MRC2: variants seen among roughly 807,000 people sequenced by gnomAD.
MRC2 encodes mannose receptor C-type 2.
Under a neutral mutation model 206.2 loss-of-function variants are expected in MRC2, and 84 were observed. The ratio of observed to expected loss-of-function variants is 0.41; its 90% confidence interval spans 0.34 to 0.49. The LOEUF is 0.49. Ranked by LOEUF, MRC2 falls within the 20% of genes least tolerant of loss-of-function variation. The pLI, the probability that MRC2 is intolerant of heterozygous loss-of-function variation, is 0.31. For synonymous variants in MRC2, 798 were observed against 800.0 expected, an observed-to-expected ratio of 1.00 and a Z score of 0.04; for missense variants, 1,676 against 2,001.5, an observed-to-expected ratio of 0.84 and a Z score of 3.10.
Position 62,678,561 on chromosome 17 carries a change from T to C in MRC2, c.2110T>C (p.Cys704Arg). ...GAGCTGGGTCCAGGCCCAGGGGGCCTGCCAGGAGCTGGGGGCCCAGCTGCT... is the reference window on the plus strand; with the variant it reads ...GAGCTGGGTCCAGGCCCAGGGGGCCCGCCAGGAGCTGGGGGCCCAGCTGCT... The part of the protein sequence containing the change: ...KKSWVQAQGA[C>R]QELGAQLLSL... Residue 704 changes from cysteine to arginine, a missense_variant, in exon 13 of 30, where the codon TGC (cysteine) becomes CGC (arginine). Physicochemically the swap from Cys to Arg is radical, Grantham distance 180. Around this residue, in one of 3 missense-constraint regions of MRC2, gnomAD observed 1,354 missense variants for 1,636.6 expected, o/e 0.83. Transcript: ENST00000303375. 6.2e-7 allele frequency: 1 copy of C among 1,609,522 alleles called. No individual in the cohort carries two copies. The highest frequency in any genetic ancestry group is 8.5e-7 in the Non-Finnish European group (1 of 1,178,812).
At position 62,690,976 on chromosome 17, in the gene MRC2, C is replaced by T. The variant is rs375546095; in HGVS notation, c.4040C>T (p.Thr1347Ile). Residue 1347 changes from threonine to isoleucine, a missense_variant, in exon 28 of 30, where the codon ACA becomes ATA. By Grantham distance (89) the Thr-to-Ile change is moderately conservative. Coordinates refer to ENST00000303375, the MANE Select transcript of MRC2 (RefSeq NM_006039.5). ...GGCACTCTGGTCTGGCAGGACAACA[C>T]AGCTGTGAACTACTCCAACTGGGGG... ...KGGTLVWQDN[T>I]AVNYSNWGPP... 6.2e-7 allele frequency: 1 copy of T among 1,607,330 alleles called. No homozygotes were observed. Among genetic ancestry groups the T allele is most frequent in the Non-Finnish European group, 8.5e-7 (1 of 1,177,782 alleles).
intron 6 of MRC2, among the ~76,000 whole-genome samples, chr17:62,670,834 C>T (rs1312097937): frequency 6.6e-6 from 1 of 152,134 alleles, no homozygotes; most frequent in Admixed American, 6.5e-5. Context: ...GTGGGCTTGC[C>T]TGGGCCCCAT....
At chr17:62,627,959 CG>C in intron 1 of MRC2, 39 bp downstream of exon 1, 19 of 1,328,038 alleles carry the variant, frequency 1.4e-5, no homozygotes, top group East Asian at 6.1e-5. Context: ...AGGGCCCGGG[CG>C]GGGGGAGCGC....
At chr17:62,635,715 A>G (rs931692339) in intron 1 of MRC2, among the ~76,000 whole-genome samples, 7 of 152,098 alleles carry the variant, frequency 4.6e-5, no homozygotes, top group Non-Finnish European at 1.0e-4. Flanking sequence ...TTTGGAGGCC[A>G]CGGGAGGAGA....
At chr17:62,631,439 G>A (rs936491954) in intron 1 of MRC2, among the ~76,000 whole-genome samples, 4 of 152,154 alleles carry the variant, frequency 2.6e-5, no homozygotes, top group African/African-American at 9.7e-5. Flanking sequence ...AGTGAGATTC[G>A]AACCCAGGAG....
In MRC2 at chr17:62,666,041, G is replaced by T. The variant is rs1598983562; in HGVS notation, c.521-53G>T. 1 of 1,525,258 alleles carries T rather than the reference G, an allele frequency of 6.6e-7. No individual in the cohort carries two copies. The highest frequency in any genetic ancestry group is 8.8e-7 in the Non-Finnish European group (1 of 1,133,752). 94.5% of individuals were successfully genotyped at this position (1,525,258 alleles called of 1,614,324 possible). A position where few individuals can be genotyped will look rare whatever the true frequency, so the allele number is the denominator to read the frequency against. ...TTTCTCCTGAGGGTCGAGGGGCTTGGCAGCCTCTGGTGTCCAGATGCCAAG... is the reference window on the plus strand; with the variant it reads ...TTTCTCCTGAGGGTCGAGGGGCTTGTCAGCCTCTGGTGTCCAGATGCCAAG... On this transcript the variant is annotated intron_variant, in intron 2 of 29. Transcript: ENST00000303375. The surrounding 1 kb of genome is among the most constrained non-coding windows in gnomAD (Gnocchi z 5.0).
intron 20 of MRC2, among the ~76,000 whole-genome samples, chr17:62,682,691 G>C (rs2088983987): frequency 6.6e-6 from 1 of 151,266 alleles, no homozygotes; most frequent in African/African-American, 2.4e-5. Context: ...ACCCAGGCTG[G>C]AGTGCAGTGG....
intron 1 of MRC2, among the ~76,000 whole-genome samples, chr17:62,632,438 C>T (rs549631820): frequency 1.1e-4 from 17 of 152,318 alleles, no homozygotes; most frequent in South Asian, 2.1e-4. Flanking sequence ...CTCCTGATTT[C>T]TCTTTCTCTG....
intron 1 of MRC2, among the ~76,000 whole-genome samples, chr17:62,631,916 ATTC>A (rs2084219039): frequency 6.6e-6 from 1 of 151,848 alleles, no homozygotes; most frequent in African/African-American, 2.4e-5. Context: ...GCCATGGCCT[ATTC>A]TTTATTTGAG....
In MRC2 at chr17:62,666,350, G is replaced by A; in HGVS notation, c.694+83G>A. 3 of 1,576,688 alleles carry A rather than the reference G, an allele frequency of 1.9e-6. No homozygotes were observed. Among genetic ancestry groups the A allele is most frequent in the South Asian group, 2.4e-5 (2 of 85,072 alleles). ...TGAGGGGCCCCGGGGCCCAGGGTGA[G>A]ATACTGCCCCCTCCCCTACCTAGTG... On this transcript the variant is annotated intron_variant, in intron 3 of 29. Transcript: ENST00000303375. The surrounding 1 kb of genome is among the most constrained non-coding windows in gnomAD (Gnocchi z 5.0).
In MRC2 at chr17:62,680,005, G is replaced by GT; in HGVS notation, c.2298+103_2298+104insT. On this transcript the variant is annotated intron_variant, in intron 14 of 29. Coordinates refer to ENST00000303375, the MANE Select transcript of MRC2 (RefSeq NM_006039.5). The surrounding 1 kb of genome is among the most constrained non-coding windows in gnomAD (Gnocchi z 4.8). Reference sequence around the variant, plus strand: ...GTGGGCGGGTTTTCTTGAGGGCCGGGCCCCCAGTCGGAGCCGGCTTCAGGA... The same window carrying GT: ...GTGGGCGGGTTTTCTTGAGGGCCGGGTCCCCCAGTCGGAGCCGGCTTCAGGA... 6.9e-7 allele frequency: 1 copy of GT among 1,457,308 alleles called. No homozygotes were observed. The highest frequency in any genetic ancestry group is 1.4e-5 in the African/African-American group (1 of 71,094). The allele number at this position is 1,457,308 out of a possible 1,614,324, so 90.3% of individuals were successfully genotyped here.
chr17:62,670,273 T>C (rs2088811383), intron 6 of MRC2, among the ~76,000 whole-genome samples: 1 of 152,268 alleles, frequency 6.6e-6, no homozygotes, highest in Non-Finnish European at 1.5e-5. Flanking sequence ...CCAAGCTCCC[T>C]TCCGGTCCTT....
Position 62,679,817 on chromosome 17 carries a change from T to G in MRC2, c.2213T>G (p.Ile738Ser). ...NKIFGESEPE[I>S]HEQHWFWIGL... ...TGCTGAAGTGAATCAGAACCCGAGA[T>G]CCACGAGCAGCACTGGTTCTGGATC... The change falls in exon 14 of 30, where the codon ATC (isoleucine) becomes AGC (serine). Residue 738 changes from isoleucine (I) to serine (S), a missense_variant. Physicochemically the swap from Ile to Ser is moderately radical, Grantham distance 142. This residue lies in a region of MRC2 where 1,354 missense variants were observed against 1,636.6 expected (regional missense o/e 0.83). Transcript: ENST00000303375. 1 of 1,613,962 alleles carries G rather than the reference T, an allele frequency of 6.2e-7. No homozygotes were observed.
chr17:62,677,378 G>A lies in MRC2; in HGVS notation c.1944G>A (p.Leu648=), dbSNP rs1401606763. The change falls in exon 12 of 30, where the codon CTG becomes CTA. Residue 648 remains leucine (L), a synonymous_variant. Transcript: ENST00000303375. ...FRARYICRQS[L]GTPVTPELPG... is the part of the protein sequence containing the mutation. ...CCCGCTACATCTGCCGGCAGAGCCT[G>A]GGCACTCCAGTGACGCCGGAGCTGC... 5 of 1,610,464 alleles carry A rather than the reference G, an allele frequency of 3.1e-6. No homozygotes were observed. Among genetic ancestry groups the A allele is most frequent in the African/African-American group, 1.3e-5 (1 of 74,918 alleles).
chr17:62,643,669 T>G (rs1015638304), intron 1 of MRC2, among the ~76,000 whole-genome samples: 2 of 152,184 alleles, frequency 1.3e-5, no homozygotes, highest in African/African-American at 4.8e-5. Context: ...ATGGAAAATG[T>G]TTAAAATCAC....
intron 1 of MRC2, among the ~76,000 whole-genome samples, chr17:62,648,812 G>A (rs550656242): frequency 1.3e-5 from 2 of 152,270 alleles, no homozygotes; most frequent in South Asian, 4.1e-4. Context: ...TCCTCTTATC[G>A]TTTCTTCTTA....
intron 1 of MRC2, among the ~76,000 whole-genome samples, chr17:62,660,880 G>GA (rs1223076548): frequency 6.6e-6 from 1 of 151,906 alleles, no homozygotes; most frequent in South Asian, 2.1e-4. Context: ...ATAATCAAAA[G>GA]AAAAAACAGT....
chr17:62,627,995 T>G, intron 1 of MRC2, 75 bp downstream of exon 1: 1 of 929,784 alleles, frequency 1.1e-6, no homozygotes, highest in Non-Finnish European at 1.5e-6. Flanking sequence ...CTCTCGACTT[T>G]TCCCTCCTTT....
Position 62,630,890 on chromosome 17 carries a change from C to G in MRC2, c.118+2970C>G, listed in dbSNP as rs1365538770. On this transcript the variant is annotated intron_variant, in intron 1 of 29. Coordinates refer to ENST00000303375, the MANE Select transcript of MRC2 (RefSeq NM_006039.5). ...GTTCGGAAACTTCTTACTGTTCCCC[C>G]ACGCAAAACTCAGTTTTCCTTGCTC... 2.6e-5 allele frequency among the ~76,000 whole-genome samples: 4 copies of G among 152,092 alleles called. 1 individual carries two copies. In the South Asian group the frequency reaches 8.3e-4, roughly 32 times the overall value.
Sources: allele counts gnomAD v4.1 joint callset (sites outside exome capture counted in the v4.1 genomes callset), GRCh38; gene constraint gnomAD v4.1.1; regional missense constraint gnomAD v4.1.1; non-coding constraint Gnocchi (gnomAD v3.1); transcripts MANE v1.5; gene names NCBI Gene and HGNC (gene_info 2026-07-23, HGNC 2026-07-21).